The following CNTN4 variants were observed in gnomAD, a reference collection of about 807,000 sequenced individuals.
CNTN4 encodes the protein contactin-4.
Under a neutral mutation model 122.5 loss-of-function variants are expected in CNTN4, and 77 were observed. The ratio of observed to expected loss-of-function variants is 0.63; its 90% CI spans 0.52 to 0.76. The LOEUF is 0.76. Among genes scored for constraint, CNTN4 ranks in the 30% least tolerant of loss-of-function variants. The pLI, the probability that CNTN4 is intolerant of heterozygous loss-of-function variation, is 0.00. For missense variants in CNTN4, 1,256 were observed against 1,259.1 expected, an observed-to-expected ratio of 1.00 and a Z score of 0.04; for synonymous variants, 512 against 447.0, an observed-to-expected ratio of 1.15 and a Z score of -1.83.
intron 2 of CNTN4, among the ~76,000 whole-genome samples, chr3:2,163,316 C>G (rs769473559): frequency 6.6e-6 from 1 of 152,136 alleles, no homozygotes; most frequent in Non-Finnish European, 1.5e-5. Flanking sequence ...AAGAATGAAG[C>G]TGTGTCCTCA....
Position 2,690,467 on chromosome 3 carries a change from A to T in CNTN4, c.56-45748A>T, listed in dbSNP as rs114404047. Among the ~76,000 whole-genome samples, 382 of 152,252 alleles carry T rather than the reference A, an allele frequency of 2.5e-3. 1 individual carries two copies. Among genetic ancestry groups the T allele is most frequent in the African/African-American group, 8.6e-3 (356 of 41,564 alleles). ...TATTTAACTCTCTAACCCTTATTTT[A>T]TCATCAATAAGTGTGGTAATAATGG... On this transcript the variant is annotated intron_variant, in intron 4 of 24. Transcript: ENST00000418658.
At chr3:2,352,937 G>T (rs1253398477) in intron 3 of CNTN4, among the ~76,000 whole-genome samples, 5 of 152,158 alleles carry the variant, frequency 3.3e-5, no homozygotes, top group Admixed American at 1.3e-4. Context: ...GCACCAATCA[G>T]TGCTCTGTGT....
chr3:2,596,656 A>G (rs1211165341), intron 4 of CNTN4, among the ~76,000 whole-genome samples: 1 of 152,164 alleles, frequency 6.6e-6, no homozygotes, highest in Non-Finnish European at 1.5e-5. Context: ...TCTCAGATAA[A>G]TGGAGAATTA....
At chr3:2,432,814 C>CCT (rs2151213911) in intron 3 of CNTN4, among the ~76,000 whole-genome samples, 2 of 141,634 alleles carry the variant, frequency 1.4e-5, no homozygotes, top group South Asian at 2.2e-4. Flanking sequence ...ACACTAACTG[C>CCT]TTTTTTTTTT....
chr3:2,303,002 T>G (rs577766854), intron 2 of CNTN4, among the ~76,000 whole-genome samples: 4 of 152,184 alleles, frequency 2.6e-5, no homozygotes, highest in Non-Finnish European at 5.9e-5. Context: ...CAGCTTATAT[T>G]TATTGTGTGA....
intron 3 of CNTN4, among the ~76,000 whole-genome samples, chr3:2,417,607 C>A (rs1437849095): frequency 6.6e-6 from 1 of 152,148 alleles, no homozygotes; most frequent in Non-Finnish European, 1.5e-5. Context: ...TCTTATGATA[C>A]AATCCAGCAA....
chr3:3,012,493 G>A (rs948951833), intron 14 of CNTN4, among the ~76,000 whole-genome samples: 1 of 151,684 alleles, frequency 6.6e-6, no homozygotes. Context: ...ACTGTTGCCC[G>A]GGCTGGAGTG....
intron 13 of CNTN4, among the ~76,000 whole-genome samples, chr3:2,983,815 A>G (rs565159445): frequency 4.6e-4 from 70 of 152,308 alleles, no homozygotes; most frequent in African/African-American, 1.7e-3. Flanking sequence ...TTCTCCAAAG[A>G]ATAGTTTATC....
intron 4 of CNTN4, among the ~76,000 whole-genome samples, chr3:2,705,932 T>C (rs2086701874): frequency 7.9e-6 from 1 of 126,568 alleles, no homozygotes. Context: ...TAATATATAA[T>C]TTATAAATAA....
At chr3:2,838,869 G>T (rs2093290087) in intron 7 of CNTN4, among the ~76,000 whole-genome samples, 1 of 152,108 alleles carries the variant, frequency 6.6e-6, no homozygotes, top group Admixed American at 6.5e-5. Context: ...CCCCAACACC[G>T]ACCGCTTTTG....
intron 18 of CNTN4, 34 bp downstream of exon 18, chr3:3,037,362 T>C (rs771475172): frequency 4.3e-6 from 7 of 1,614,012 alleles, no homozygotes; most frequent in Non-Finnish European, 5.9e-6. Flanking sequence ...TCATCTGTTC[T>C]GCCAGCTGCT....
At chr3:2,889,349 A>T (rs977577243) in intron 10 of CNTN4, among the ~76,000 whole-genome samples, 1 of 152,190 alleles carries the variant, frequency 6.6e-6, no homozygotes, top group African/African-American at 2.4e-5. Flanking sequence ...TGTCTTCAAG[A>T]ATATTAAAGG....
At chr3:2,278,726 T>C (rs1160560048) in intron 2 of CNTN4, among the ~76,000 whole-genome samples, 1 of 152,198 alleles carries the variant, frequency 6.6e-6, no homozygotes, top group African/African-American at 2.4e-5. Flanking sequence ...GAAAAAGTTT[T>C]CTAACTTCTT....
chr3:2,122,636 T>G (rs2033875632), intron 2 of CNTN4, among the ~76,000 whole-genome samples: 1 of 152,198 alleles, frequency 6.6e-6, no homozygotes, highest in South Asian at 2.1e-4. Flanking sequence ...ATTTTTTTGG[T>G]CAAAAATACT....
At chr3:2,521,659 A>G (rs966242648) in intron 3 of CNTN4, among the ~76,000 whole-genome samples, 1 of 152,104 alleles carries the variant, frequency 6.6e-6, no homozygotes, top group Non-Finnish European at 1.5e-5. Context: ...TTCACCGTAT[A>G]AAAAGAAAAT....
chr3:2,470,928 C>A lies in CNTN4; in HGVS notation c.-88-100488C>A, dbSNP rs149256991. ...CGAGAGATGAAAAAAGGACAAAATA[C>A]AGCCTTTACCCTTAAGATGCTGTCA... On this transcript the variant is annotated intron_variant, in intron 3 of 24. Transcript: ENST00000418658. Among the ~76,000 whole-genome samples, 181 of 152,328 alleles carry A rather than the reference C, an allele frequency of 1.2e-3. 1 individual carries two copies. Among genetic ancestry groups the A allele is most frequent in the Non-Finnish European group, 1.5e-3 (104 of 68,030 alleles).
At chr3:2,129,521 T>C (rs932989579) in intron 2 of CNTN4, among the ~76,000 whole-genome samples, 3 of 152,042 alleles carry the variant, frequency 2.0e-5, no homozygotes, top group Admixed American at 6.6e-5. Context: ...GGCATGTTTA[T>C]AGACTTTGAC....
At chr3:2,761,244 C>A (rs1274883400) in intron 6 of CNTN4, among the ~76,000 whole-genome samples, 2 of 152,140 alleles carry the variant, frequency 1.3e-5, no homozygotes, top group Non-Finnish European at 2.9e-5. Context: ...TTTCAGTCTT[C>A]CTGTTGGCCT....
intron 6 of CNTN4, among the ~76,000 whole-genome samples, chr3:2,801,222 G>A (rs1400211): frequency 0.58 from 87,554 of 151,890 alleles, 25,775 homozygotes; most frequent in South Asian, 0.75. Context: ...GAATGAATCT[G>A]GTTTTTATCC....
Sources: gnomAD v4.1 joint callset for allele counts (sites outside exome capture counted in the v4.1 genomes callset) on GRCh38, gnomAD v4.1.1 for gene constraint, MANE v1.5 for transcripts, NCBI Gene and HGNC (gene_info 2026-07-23, HGNC 2026-07-21) for gene names.